RNF212B: variants seen among roughly 807,000 people sequenced by gnomAD.
RNF212B encodes the protein E3 ubiquitin-protein ligase RNF212B.
Under a neutral mutation model 55.5 loss-of-function variants are expected in RNF212B, and 52 were observed. The observed-to-expected ratio is 0.94, with a 90% CI of 0.75 to 1.18. The LOEUF (loss-of-function observed/expected upper bound fraction) is 1.18, where lower values mean the gene tolerates loss of function less well. RNF212B is among the 50% of genes most tolerant of loss of function. RNF212B has a pLI of 0.00. For synonymous variants in RNF212B, 99 were observed against 121.4 expected (o/e 0.82, Z 1.21); for missense variants, 289 against 350.4 (o/e 0.82, Z 1.40).
chr14:23,244,504 G>A, intron 4 of RNF212B, 108 bp downstream of exon 4: 1 of 586,652 alleles, frequency 1.7e-6, no homozygotes, highest in South Asian at 2.3e-5. Context: ...ACAATGGAGG[G>A]AAATTGACTG....
chr14:23,189,518 A>G (rs552151444), intron 1 of RNF212B, among the ~76,000 whole-genome samples: 54 of 152,240 alleles, frequency 3.5e-4, no homozygotes, highest in African/African-American at 1.2e-3. Flanking sequence ...TGAAAAACAA[A>G]CAGGCCGGAC....
chr14:23,260,764 T>G, intron 7 of RNF212B, 77 bp downstream of exon 7: 1 of 1,271,170 alleles, frequency 7.9e-7, no homozygotes, highest in Middle Eastern at 1.9e-4. Context: ...CTGTGTGAAC[T>G]CTGAGAGAGA....
intron 4 of RNF212B, among the ~76,000 whole-genome samples, chr14:23,247,411 C>T (rs913920538): frequency 5.9e-5 from 9 of 152,056 alleles, no homozygotes; most frequent in Non-Finnish European, 8.8e-5. Flanking sequence ...CTTCCCAAAC[C>T]CTTCCCACCC....
At chr14:23,199,614 A>G (rs974460210) in intron 2 of RNF212B, among the ~76,000 whole-genome samples, 4 of 152,164 alleles carry the variant, frequency 2.6e-5, no homozygotes, top group Non-Finnish European at 5.9e-5. Flanking sequence ...CTCTCATGGC[A>G]AGGATGGTTT....
chr14:23,226,567 C>T (rs1440805732), intron 2 of RNF212B, among the ~76,000 whole-genome samples: 3 of 151,554 alleles, frequency 2.0e-5, no homozygotes, highest in African/African-American at 7.3e-5. Context: ...GGAGGCGGAG[C>T]TTGCAGTGAG....
intron 1 of RNF212B, among the ~76,000 whole-genome samples, chr14:23,238,437 C>T (rs1156996346): frequency 1.3e-5 from 2 of 151,912 alleles, no homozygotes; most frequent in South Asian, 4.2e-4. Context: ...CACACACATC[C>T]TACGAAAAGT....
At chr14:23,232,405 G>C (rs566419240) in intron 2 of RNF212B, among the ~76,000 whole-genome samples, 1 of 150,668 alleles carries the variant, frequency 6.6e-6, no homozygotes, top group African/African-American at 2.4e-5. Context: ...CCCTCCGCCC[G>C]GCAGCCGCCC....
At chr14:23,187,366 A>G (rs577372320) in intron 1 of RNF212B, among the ~76,000 whole-genome samples, 6 of 152,020 alleles carry the variant, frequency 3.9e-5, no homozygotes, top group Non-Finnish European at 7.4e-5. Flanking sequence ...CCCCTTTTTT[A>G]GAGACAAGGT....
At chr14:23,218,654 A>T (rs891492779) in intron 2 of RNF212B, among the ~76,000 whole-genome samples, 30 of 152,110 alleles carry the variant, frequency 2.0e-4, no homozygotes, top group African/African-American at 6.8e-4. Context: ...AATAAAAAAC[A>T]ATAAAGCACA....
chr14:23,212,143 G>A (rs1215458562), intron 2 of RNF212B, among the ~76,000 whole-genome samples: 1 of 152,176 alleles, frequency 6.6e-6, no homozygotes, highest in Admixed American at 6.5e-5. Context: ...ATCCTTGAAA[G>A]GGCACTTAGG....
At chr14:23,212,765 C>A (rs978391824) in intron 2 of RNF212B, among the ~76,000 whole-genome samples, 3 of 152,036 alleles carry the variant, frequency 2.0e-5, no homozygotes, top group Middle Eastern at 3.4e-3. Flanking sequence ...CTCAGCTTCC[C>A]AAAGTGCTGG....
intron 2 of RNF212B, among the ~76,000 whole-genome samples, chr14:23,232,792 G>T (rs184247489): frequency 7.4e-5 from 11 of 148,244 alleles, no homozygotes; most frequent in East Asian, 6.3e-4. Flanking sequence ...GGTGGGGGGG[G>T]GGTCAGCCTC....
At position 23,188,646 on chromosome 14, in the gene RNF212B, T is replaced by G. The variant is rs117735861; in HGVS notation, c.-79+3156T>G. On this transcript the variant is annotated intron_variant, in intron 1 of 15. Transcript: ENST00000399910. ...TATGCCTGGCAAATTTTTAAAAAAT[T>G]TTTAGTAAAGATGAGGTCTTACTGC... Among the ~76,000 whole-genome samples the G allele has an allele frequency of 1.6e-3, 238 of 152,080 alleles. 2 individuals carry two copies. Among genetic ancestry groups the G allele is most frequent in the Middle Eastern group, 3.4e-3 (1 of 294 alleles).
intron 2 of RNF212B, among the ~76,000 whole-genome samples, chr14:23,209,973 T>G (rs1880318720): frequency 6.6e-6 from 1 of 152,100 alleles, no homozygotes; most frequent in Admixed American, 6.6e-5. Context: ...GCCAACATGA[T>G]GAAACCCTGT....
intron 4 of RNF212B, among the ~76,000 whole-genome samples, chr14:23,249,279 C>T (rs957510482): frequency 1.3e-5 from 2 of 152,188 alleles, no homozygotes; most frequent in Admixed American, 6.5e-5. Flanking sequence ...ACTCAGTGGG[C>T]CAGGCGCAGT....
intron 9 of RNF212B, 95 bp from the exon 10 acceptor site, chr14:23,264,079 C>T: frequency 1.0e-6 from 1 of 960,904 alleles, no homozygotes; most frequent in Non-Finnish European, 1.6e-6. Flanking sequence ...CAGAGTGAGA[C>T]TCTGTCTGAA....
chr14:23,272,763 C>A, intron 14 of RNF212B, 60 bp from the exon 15 acceptor site: 2 of 1,059,884 alleles, frequency 1.9e-6, no homozygotes, highest in South Asian at 1.3e-5. Flanking sequence ...GTCAGAGAGA[C>A]TTGCTTGCCC....
At chr14:23,257,382 GGT>G (rs1566434499) in intron 4 of RNF212B, among the ~76,000 whole-genome samples, 1 of 141,866 alleles carries the variant, frequency 7.0e-6, no homozygotes, top group African/African-American at 2.7e-5. Flanking sequence ...TAAAAATGAG[GGT>G]TTAAAAAAAT....
chr14:23,190,974 T>TG (rs1566384073), intron 1 of RNF212B, among the ~76,000 whole-genome samples: 1 of 152,186 alleles, frequency 6.6e-6, no homozygotes, highest in South Asian at 2.1e-4. Flanking sequence ...CAGACCGTCT[T>TG]GGGGGTGTCC....
Sources: gnomAD v4.1 joint callset for allele counts (sites outside exome capture counted in the v4.1 genomes callset) on GRCh38, gnomAD v4.1.1 for gene constraint, MANE v1.5 for transcripts, NCBI Gene and HGNC (gene_info 2026-07-23, HGNC 2026-07-21) for gene names.